Variants in TMPRSS11F observed in about 807,000 individuals in gnomAD.
The protein encoded by TMPRSS11F is transmembrane serine protease 11F, also known as transmembrane protease serine 11F.
In TMPRSS11F, 47 loss-of-function variants were observed where a neutral mutation model predicts 60.2. The ratio of observed to expected loss-of-function variants is 0.78; its 90% CI spans 0.62 to 1.00. The LOEUF (loss-of-function observed/expected upper bound fraction) is 1.00, where lower values mean the gene tolerates loss of function less well. Among genes scored for constraint, TMPRSS11F ranks in the 50% least tolerant of loss-of-function variants. The pLI, the probability that TMPRSS11F is intolerant of heterozygous loss-of-function variation, is 0.00. For missense variants in TMPRSS11F, 519 were observed against 522.9 expected, an observed-to-expected ratio of 0.99 and a Z score of 0.07; for synonymous variants, 166 against 167.3, an observed-to-expected ratio of 0.99 and a Z score of 0.06.
intron 1 of TMPRSS11F, among the ~76,000 whole-genome samples, chr4:68,117,967 A>T (rs1431992506): frequency 6.6e-6 from 1 of 152,006 alleles, no homozygotes; most frequent in African/African-American, 2.4e-5. Context: ...CTGAGAGATA[A>T]CTCCTTATTG....
chr4:68,063,543 A>AT (rs1163795089), intron 8 of TMPRSS11F, among the ~76,000 whole-genome samples: 15 of 150,974 alleles, frequency 9.9e-5, no homozygotes, highest in South Asian at 8.4e-4. Context: ...TGCCCTGTTA[A>AT]TTTTTTTTTG....
chr4:68,082,854 A>G (rs1399887636), intron 3 of TMPRSS11F, among the ~76,000 whole-genome samples: 6 of 152,340 alleles, frequency 3.9e-5, no homozygotes, highest in African/African-American at 1.4e-4. Flanking sequence ...ATCCAGAAAG[A>G]GTGTGGCCTG....
At chr4:68,120,630 C>T (rs570120826) in intron 1 of TMPRSS11F, among the ~76,000 whole-genome samples, 194 of 151,994 alleles carry the variant, frequency 1.3e-3, no homozygotes, top group African/African-American at 4.2e-3. Context: ...CCTCGTGATC[C>T]GCCCGCCTCG....
rs527499746 is a variant in TMPRSS11F, at chr4:68,061,836, A to G, written c.1016-2368T>C. 9.2e-6 allele frequency: 4 copies of G among 433,328 alleles called. No homozygotes were observed. In the East Asian group the frequency reaches 2.8e-4, roughly 30 times the overall value. The allele number at this position is 433,328 out of a possible 1,614,324, so 26.8% of individuals were successfully genotyped here. Reference sequence around the variant, plus strand: ...CCTGTCTAAAGACTTGCAAGGGACCAGCACAGTGACTTTGTCTCTTTGGAT... The same window carrying G: ...CCTGTCTAAAGACTTGCAAGGGACCGGCACAGTGACTTTGTCTCTTTGGAT... On this transcript the variant is annotated intron_variant, in intron 8 of 9. Coordinates refer to ENST00000356291, the MANE Select transcript of TMPRSS11F (RefSeq NM_207407.2).
At chr4:68,073,678 G>C (rs1021732637) in intron 4 of TMPRSS11F, among the ~76,000 whole-genome samples, 2 of 152,092 alleles carry the variant, frequency 1.3e-5, no homozygotes, top group African/African-American at 4.8e-5. Context: ...GAGACGGGGG[G>C]AAGAGGGAAT....
intron 1 of TMPRSS11F, among the ~76,000 whole-genome samples, chr4:68,127,293 AT>A (rs1328232580): frequency 6.6e-6 from 1 of 152,124 alleles, no homozygotes; most frequent in Non-Finnish European, 1.5e-5. Flanking sequence ...GTTATTACGT[AT>A]TCAAAGAAGC....
intron 3 of TMPRSS11F, among the ~76,000 whole-genome samples, chr4:68,089,615 A>G (rs961044885): frequency 6.6e-6 from 1 of 152,170 alleles, no homozygotes; most frequent in Admixed American, 6.6e-5. Context: ...CGCTATTTGA[A>G]TAGCCATGGA....
chr4:68,116,719 G>C (rs1244713427), intron 1 of TMPRSS11F, among the ~76,000 whole-genome samples: 2 of 151,916 alleles, frequency 1.3e-5, no homozygotes, highest in East Asian at 3.9e-4. Flanking sequence ...ATTTGACAAG[G>C]GTACCAAGAA....
At chr4:68,108,852 T>G (rs1462300756) in intron 1 of TMPRSS11F, among the ~76,000 whole-genome samples, 1 of 152,184 alleles carries the variant, frequency 6.6e-6, no homozygotes, top group Non-Finnish European at 1.5e-5. Context: ...TTTGTAAGTA[T>G]GGGGGTAGGG....
intron 1 of TMPRSS11F, among the ~76,000 whole-genome samples, chr4:68,116,625 G>A (rs899931538): frequency 3.3e-5 from 5 of 152,054 alleles, no homozygotes; most frequent in Non-Finnish European, 7.4e-5. Context: ...AAAACAATAT[G>A]GCATTGGCAT....
In TMPRSS11F at chr4:68,073,934, T is replaced by G. The variant is rs754415465; in HGVS notation, c.350+8A>C. 6.4e-7 allele frequency: 1 copy of G among 1,553,342 alleles called. No homozygotes were observed. Among genetic ancestry groups the G allele is most frequent in the Non-Finnish European group, 8.7e-7 (1 of 1,146,712 alleles). ...ATTAACTTGAAATTATAAACCAAATTTACATACCTTAATTTGATAACATGA... is the reference window on the plus strand; with the variant it reads ...ATTAACTTGAAATTATAAACCAAATGTACATACCTTAATTTGATAACATGA... On this transcript the variant is annotated splice_region_variant and intron_variant, in intron 4 of 9. Transcript: ENST00000356291.
At chr4:68,121,242 A>G (rs187526555) in intron 1 of TMPRSS11F, among the ~76,000 whole-genome samples, 70 of 152,284 alleles carry the variant, frequency 4.6e-4, no homozygotes, top group Non-Finnish European at 7.2e-4. Context: ...TTAACCACCC[A>G]CATCTAACAG....
intron 2 of TMPRSS11F, among the ~76,000 whole-genome samples, chr4:68,098,622 C>T (rs907651713): frequency 6.6e-6 from 1 of 152,050 alleles, no homozygotes; most frequent in Admixed American, 6.6e-5. Flanking sequence ...TGTCTTTATG[C>T]GAAAGATGAT....
chr4:68,116,084 C>CAA (rs1333519225), intron 1 of TMPRSS11F, among the ~76,000 whole-genome samples: 1 of 144,040 alleles, frequency 6.9e-6, no homozygotes, highest in African/African-American at 2.5e-5. Context: ...CTTTCTTTCT[C>CAA]AAAAAAAAAA....
At chr4:68,126,291 A>G (rs2109893227) in intron 1 of TMPRSS11F, among the ~76,000 whole-genome samples, 1 of 152,324 alleles carries the variant, frequency 6.6e-6, no homozygotes, top group East Asian at 1.9e-4. Context: ...ATGTGCTACT[A>G]GTATACTATA....
rs144858687 is a variant in TMPRSS11F at position 68,055,092 on chromosome 4, G to A, written c.1159-1025C>T. Reference sequence around the variant, plus strand: ...AACAGTATTGCAAATGCTCTGTGGCGCGAAGGAGCCTGGCAAATGCAAGGG... The same window carrying A: ...AACAGTATTGCAAATGCTCTGTGGCACGAAGGAGCCTGGCAAATGCAAGGG... On this transcript the variant is annotated intron_variant, in intron 9 of 9. Transcript: ENST00000356291. Among the ~76,000 whole-genome samples the A allele has an allele frequency of 1.7e-3, 254 of 152,246 alleles. 1 individual carries two copies. The highest frequency in any genetic ancestry group is 5.9e-3 in the African/African-American group (246 of 41,556).
chr4:68,128,319 T>A (rs1724753643), intron 1 of TMPRSS11F, among the ~76,000 whole-genome samples: 1 of 152,110 alleles, frequency 6.6e-6, no homozygotes, highest in Non-Finnish European at 1.5e-5. Context: ...ATAATAAATG[T>A]TTGAGATGAT....
intron 1 of TMPRSS11F, among the ~76,000 whole-genome samples, chr4:68,119,991 G>C (rs1724593743): frequency 1.3e-5 from 2 of 152,140 alleles, no homozygotes; most frequent in South Asian, 4.1e-4. Context: ...GGAAGAAGTT[G>C]ATTCCAACTC....
intron 1 of TMPRSS11F, among the ~76,000 whole-genome samples, chr4:68,113,084 G>A (rs1367298568): frequency 6.6e-6 from 1 of 152,008 alleles, no homozygotes; most frequent in Non-Finnish European, 1.5e-5. Context: ...TCAAAAAAGA[G>A]CACAATCTGT....
Sources: gnomAD v4.1 joint callset for allele counts (sites outside exome capture counted in the v4.1 genomes callset) on GRCh38, gnomAD v4.1.1 for gene constraint, MANE v1.5 for transcripts, NCBI Gene and HGNC (gene_info 2026-07-23, HGNC 2026-07-21) for gene names.